Variants in NCKAP5 observed in about 807,000 individuals in gnomAD.
NCKAP5 encodes the protein NCK associated protein 5.
A neutral mutation model predicts 167.0 loss-of-function variants in NCKAP5; 92 were observed. That is an observed-to-expected ratio of 0.55 (90% CI 0.47 to 0.66). NCKAP5 has a LOEUF of 0.66. Among genes scored for constraint, NCKAP5 ranks in the 30% least tolerant of loss-of-function variants. The pLI is 0.00. For synonymous variants in NCKAP5, 891 were observed against 877.4 expected, an observed-to-expected ratio of 1.02 and a Z score of -0.27; for missense variants, 2,378 against 2,315.0, an observed-to-expected ratio of 1.03 and a Z score of -0.56.
At chr2:133,218,228 A>T (rs913945384) in intron 4 of NCKAP5, among the ~76,000 whole-genome samples, 1 of 152,218 alleles carries the variant, frequency 6.6e-6, no homozygotes, top group Non-Finnish European at 1.5e-5. Context: ...ATTAAAAGTC[A>T]TCCTAAACAG....
At chr2:132,945,904 G>A (rs936517595) in intron 8 of NCKAP5, among the ~76,000 whole-genome samples, 4 of 152,132 alleles carry the variant, frequency 2.6e-5, no homozygotes, top group Non-Finnish European at 4.4e-5. Context: ...TCAGTATTAC[G>A]AAAATGTCAA....
chr2:133,285,962 A>G (rs1679089039), intron 4 of NCKAP5, among the ~76,000 whole-genome samples: 2 of 152,096 alleles, frequency 1.3e-5, no homozygotes, highest in Non-Finnish European at 2.9e-5. Flanking sequence ...GGAATTATCA[A>G]ATTTACTTGT....
intron 3 of NCKAP5, among the ~76,000 whole-genome samples, chr2:133,472,398 C>G (rs1007189079): frequency 1.3e-5 from 2 of 152,030 alleles, no homozygotes; most frequent in Non-Finnish European, 2.9e-5. Flanking sequence ...AGATGCTTTT[C>G]ATTTAATTAT....
intron 3 of NCKAP5, among the ~76,000 whole-genome samples, chr2:133,373,431 G>A (rs1662230072): frequency 6.6e-6 from 1 of 152,128 alleles, no homozygotes; most frequent in African/African-American, 2.4e-5. Flanking sequence ...AATAAACAGA[G>A]AGATATTCCA....
intron 3 of NCKAP5, among the ~76,000 whole-genome samples, chr2:133,327,233 G>T (rs1180471433): frequency 6.6e-6 from 1 of 152,146 alleles, no homozygotes; most frequent in Non-Finnish European, 1.5e-5. Context: ...GCCTGAATTT[G>T]TTGCTTAACA....
chr2:132,840,147 G>A (rs1688195568), intron 11 of NCKAP5, among the ~76,000 whole-genome samples: 1 of 152,012 alleles, frequency 6.6e-6, no homozygotes, highest in South Asian at 2.1e-4. Flanking sequence ...ATGGGGTTTT[G>A]GTATTGCACT....
intron 8 of NCKAP5, among the ~76,000 whole-genome samples, chr2:132,944,294 A>G (rs1697529259): frequency 6.6e-6 from 1 of 152,236 alleles, no homozygotes; most frequent in Non-Finnish European, 1.5e-5. Flanking sequence ...AGTGGGAGAC[A>G]GGCTGGAGAG....
intron 3 of NCKAP5, among the ~76,000 whole-genome samples, chr2:133,409,706 TGTAGGAAAAG>T (rs1347592634): frequency 1.3e-5 from 2 of 152,186 alleles, no homozygotes; most frequent in African/African-American, 4.8e-5. Flanking sequence ...TATGCAATGT[TGTAGGAAAAG>T]GTCTACATTG....
the NCKAP5 span, among the ~76,000 whole-genome samples, chr2:133,636,686 A>C: frequency 3.7e-4 from 57 of 152,162 alleles, no homozygotes; most frequent in African/African-American, 1.3e-3. Flanking sequence ...AAAACAAACA[A>C]ATTAATAAAG....
chr2:133,557,737 T>G (rs1687842985), intron 2 of NCKAP5, among the ~76,000 whole-genome samples: 1 of 152,228 alleles, frequency 6.6e-6, no homozygotes, highest in Non-Finnish European at 1.5e-5. Context: ...GGGTGATCCT[T>G]TAACATCTGT....
intron 5 of NCKAP5, among the ~76,000 whole-genome samples, chr2:133,209,542 G>T (rs1014545741): frequency 6.6e-6 from 1 of 151,396 alleles, no homozygotes; most frequent in Non-Finnish European, 1.5e-5. Context: ...TTGGATCCAG[G>T]CTGGTCTCAC....
chr2:133,100,399 T>A (rs1317808257), intron 6 of NCKAP5, among the ~76,000 whole-genome samples: 3 of 152,232 alleles, frequency 2.0e-5, no homozygotes, highest in Non-Finnish European at 1.5e-5. Flanking sequence ...AATAATCATA[T>A]GTAGTTGGGC....
intron 8 of NCKAP5, among the ~76,000 whole-genome samples, chr2:132,886,177 T>A (rs75042671): frequency 1.5e-4 from 11 of 72,262 alleles, no homozygotes; most frequent in Non-Finnish European, 3.9e-4. Context: ...ATTAAAAAAA[T>A]AATTGGATGT....
At chr2:133,096,806 C>G (rs1041794782) in intron 6 of NCKAP5, among the ~76,000 whole-genome samples, 23 of 152,262 alleles carry the variant, frequency 1.5e-4, no homozygotes, top group African/African-American at 5.5e-4. Flanking sequence ...TGAATGAAGA[C>G]ACTTCACTCC....
intron 19 of NCKAP5, among the ~76,000 whole-genome samples, chr2:132,679,957 C>T (rs1684989839): frequency 1.3e-5 from 2 of 152,124 alleles, no homozygotes; most frequent in South Asian, 4.1e-4. Context: ...AGTCATTTCT[C>T]TTTTCTCAGA....
At chr2:133,595,855 G>T in the NCKAP5 span, among the ~76,000 whole-genome samples, 1 of 151,866 alleles carries the variant, frequency 6.6e-6, no homozygotes, top group Non-Finnish European at 1.5e-5. Context: ...AATTTGAGTT[G>T]TACATAATTT....
intron 1 of NCKAP5, among the ~76,000 whole-genome samples, chr2:133,562,868 T>C (rs1688265602): frequency 6.6e-6 from 1 of 152,164 alleles, no homozygotes; most frequent in Admixed American, 6.5e-5. Context: ...TATTGGGGCA[T>C]TGTAAATGTG....
At chr2:133,161,452 C>G (rs978087029) in intron 5 of NCKAP5, among the ~76,000 whole-genome samples, 1 of 152,206 alleles carries the variant, frequency 6.6e-6, no homozygotes, top group Admixed American at 6.5e-5. Flanking sequence ...TAGACTTTGT[C>G]CCATAGAAAT....
chr2:133,125,259 A>C, intron 6 of NCKAP5, among the ~76,000 whole-genome samples: 1 of 151,256 alleles, frequency 6.6e-6, no homozygotes, highest in Admixed American at 6.6e-5. Flanking sequence ...TTTCAACTCA[A>C]CGTACCCCAC....
Sources: gnomAD v4.1 joint callset for allele counts (sites outside exome capture counted in the v4.1 genomes callset) on GRCh38, gnomAD v4.1.1 for gene constraint, MANE v1.5 for transcripts, NCBI Gene and HGNC (gene_info 2026-07-23, HGNC 2026-07-21) for gene names.